The following GOLGA4 variants were observed in gnomAD, a reference collection of about 807,000 sequenced individuals.
GOLGA4 encodes the protein golgin subfamily A member 4.
In GOLGA4, 169 loss-of-function variants were observed where a neutral mutation model predicts 265.9. The observed-to-expected ratio is 0.64, with a 90% confidence interval of 0.56 to 0.72. The LOEUF is 0.72. Ranked by LOEUF, GOLGA4 falls within the 30% of genes least tolerant of loss-of-function variation. GOLGA4 has a pLI of 0.00. For missense variants in GOLGA4, 2,482 were observed against 2,483.4 expected (o/e 1.00, Z 0.01); for synonymous variants, 923 against 855.8 (o/e 1.08, Z -1.37).
chr3:37,261,240 T>C (rs757537788), intron 2 of GOLGA4, among the ~76,000 whole-genome samples: 27 of 152,162 alleles, frequency 1.8e-4, no homozygotes, highest in Non-Finnish European at 5.9e-5. Context: ...CTGCCTAACA[T>C]GCTAAATCCT....
chr3:37,308,098 T>G (rs1389068465), intron 10 of GOLGA4, among the ~76,000 whole-genome samples: 1 of 152,046 alleles, frequency 6.6e-6, no homozygotes, highest in African/African-American at 2.4e-5. Context: ...CCGGGCATGG[T>G]GGCGTGTGCC....
At chr3:37,360,312 T>C (rs1374406527) in intron 22 of GOLGA4, among the ~76,000 whole-genome samples, 2 of 152,198 alleles carry the variant, frequency 1.3e-5, no homozygotes, top group African/African-American at 2.4e-5. Flanking sequence ...CATTTACTTA[T>C]GTTTTCAAGA....
chr3:37,259,593 A>G (rs902250594), intron 2 of GOLGA4, among the ~76,000 whole-genome samples: 4 of 152,018 alleles, frequency 2.6e-5, no homozygotes, highest in East Asian at 1.9e-4. Flanking sequence ...TGGTTTGTCA[A>G]TTTTGTTGAT....
At chr3:37,294,475 C>T (rs1408857632) in intron 5 of GOLGA4, among the ~76,000 whole-genome samples, 1 of 151,634 alleles carries the variant, frequency 6.6e-6, no homozygotes, top group Non-Finnish European at 1.5e-5. Flanking sequence ...ACCTCTTCCT[C>T]CCGGGTTCAA....
intron 11 of GOLGA4, among the ~76,000 whole-genome samples, chr3:37,317,126 T>C (rs1578661190): frequency 6.6e-6 from 1 of 152,314 alleles, no homozygotes; most frequent in South Asian, 2.1e-4. Context: ...GATAGATATT[T>C]AGATTGTTTT....
intron 10 of GOLGA4, among the ~76,000 whole-genome samples, chr3:37,311,888 C>T (rs1270255183): frequency 1.3e-5 from 2 of 152,136 alleles, no homozygotes; most frequent in Non-Finnish European, 2.9e-5. Flanking sequence ...TATATCTAAA[C>T]AGGAACTTGT....
In GOLGA4 at chr3:37,258,071, A is replaced by G. The variant is rs11709265; in HGVS notation, c.162+6587A>G. Among the ~76,000 whole-genome samples, 45 of 53,178 alleles carry G rather than the reference A, an allele frequency of 8.5e-4. 5 individuals are homozygous for G. The highest frequency in any genetic ancestry group is 1.1e-3 in the African/African-American group (19 of 17,330). The allele number at this position is 53,178 out of a possible 152,430, so 34.9% of individuals were successfully genotyped here. ...CATATATATATGTATGTATATATGTATATATATATGTGTGTATATATATAT... is the reference window on the plus strand; with the variant it reads ...CATATATATATGTATGTATATATGTGTATATATATGTGTGTATATATATAT... On this transcript the variant is annotated intron_variant, in intron 2 of 23. Transcript: ENST00000361924.
intron 10 of GOLGA4, among the ~76,000 whole-genome samples, chr3:37,311,906 AT>A (rs1192307138): frequency 1.3e-5 from 2 of 152,192 alleles, no homozygotes; most frequent in African/African-American, 4.8e-5. Context: ...TGTGGCATGG[AT>A]TTTTTGTTGT....
At chr3:37,296,297 A>G (rs1165496077) in intron 7 of GOLGA4, 78 bp downstream of exon 7, 4 of 1,412,592 alleles carry the variant, frequency 2.8e-6, no homozygotes, top group African/African-American at 1.4e-5. Context: ...TTTAATCCCA[A>G]CACTTTGGGA....
At chr3:37,270,130 G>A (rs2096794365) in intron 2 of GOLGA4, among the ~76,000 whole-genome samples, 1 of 150,630 alleles carries the variant, frequency 6.6e-6, no homozygotes, top group East Asian at 2.0e-4. Context: ...CTGACCTCAG[G>A]TGATCTGCCT....
intron 19 of GOLGA4, among the ~76,000 whole-genome samples, chr3:37,339,101 A>G (rs2097024373): frequency 6.6e-6 from 1 of 152,042 alleles, no homozygotes; most frequent in African/African-American, 2.4e-5. Flanking sequence ...TGACCTCATG[A>G]TCTGCCTGCC....
At chr3:37,290,809 G>T (rs1357015113) in intron 5 of GOLGA4, among the ~76,000 whole-genome samples, 1 of 152,172 alleles carries the variant, frequency 6.6e-6, no homozygotes, top group East Asian at 1.9e-4. Context: ...GGAAGTGAGA[G>T]AATGATAGCT....
intron 15 of GOLGA4, 59 bp downstream of exon 15, chr3:37,328,596 T>C: frequency 1.3e-6 from 2 of 1,483,486 alleles, no homozygotes; most frequent in Non-Finnish European, 1.8e-6. Flanking sequence ...TAATTTAAGC[T>C]TATCATTTTT....
intron 6 of GOLGA4, among the ~76,000 whole-genome samples, chr3:37,295,767 G>T (rs548685217): frequency 6.6e-6 from 1 of 152,128 alleles, no homozygotes; most frequent in East Asian, 1.9e-4. Flanking sequence ...AATATTTAGG[G>T]GGTGAAAACC....
intron 2 of GOLGA4, chr3:37,273,570 G>C: frequency 6.6e-7 from 1 of 1,511,656 alleles, no homozygotes; most frequent in East Asian, 2.5e-5. Context: ...TCTCCTGACA[G>C]TGTTAATGGA....
At chr3:37,288,760 G>A (rs923396591) in intron 4 of GOLGA4, among the ~76,000 whole-genome samples, 5 of 152,292 alleles carry the variant, frequency 3.3e-5, no homozygotes, top group African/African-American at 1.2e-4. Flanking sequence ...TTACAGGTGT[G>A]AGCCACTGCG....
In GOLGA4 at chr3:37,248,485, G is replaced by T. The variant is rs933013889; in HGVS notation, c.73-2910G>T. Among the ~76,000 whole-genome samples the T allele has an allele frequency of 4.6e-5, 7 of 152,310 alleles. No individual in the cohort carries two copies. The East Asian group carries it at 1.3e-3, about 29-fold the overall frequency. On this transcript the variant is annotated intron_variant, in intron 1 of 23. Coordinates refer to ENST00000361924, the MANE Select transcript of GOLGA4 (RefSeq NM_002078.5). ...CCTAAATCCCTTTATATCTTGAAGT[G>T]AGGATAGCCCATTAAGGAACCAGGC...
At chr3:37,311,449 G>A (rs1016168450) in intron 10 of GOLGA4, among the ~76,000 whole-genome samples, 2 of 152,156 alleles carry the variant, frequency 1.3e-5, no homozygotes, top group Non-Finnish European at 2.9e-5. Flanking sequence ...GCTTTAGTAA[G>A]AAACATTATT....
chr3:37,304,691 G>C (rs1017417343), intron 10 of GOLGA4, among the ~76,000 whole-genome samples: 4 of 152,122 alleles, frequency 2.6e-5, no homozygotes, highest in African/African-American at 9.7e-5. Context: ...TAAATATCAA[G>C]TTGAAAAGGG....
Sources: allele counts gnomAD v4.1 joint callset (sites outside exome capture counted in the v4.1 genomes callset), GRCh38; gene constraint gnomAD v4.1.1; transcripts MANE v1.5; gene names NCBI Gene and HGNC (gene_info 2026-07-23, HGNC 2026-07-21).